GLCCI1: variants seen among roughly 807,000 people sequenced by gnomAD.
GLCCI1 encodes glucocorticoid-induced transcript 1 protein.
In GLCCI1, 24 loss-of-function variants were observed where a neutral mutation model predicts 52.2. The observed-to-expected ratio is 0.46, with a 90% CI of 0.33 to 0.65. The LOEUF (loss-of-function observed/expected upper bound fraction) is 0.65, where lower values mean the gene tolerates loss of function less well. Among genes scored for constraint, GLCCI1 ranks in the 30% least tolerant of loss-of-function variants. The pLI, the probability that GLCCI1 is intolerant of heterozygous loss-of-function variation, is 0.02. For synonymous variants in GLCCI1, 310 were observed against 276.5 expected, an observed-to-expected ratio of 1.12 and a Z score of -1.20; for missense variants, 704 against 701.5, an observed-to-expected ratio of 1.00 and a Z score of -0.04.
At chr7:7,974,665 T>A (rs1320819532) in intron 1 of GLCCI1, among the ~76,000 whole-genome samples, 1 of 152,118 alleles carries the variant, frequency 6.6e-6, no homozygotes, top group Non-Finnish European at 1.5e-5. Context: ...TCGGAGAGGG[T>A]TTTCCTTAGT....
At chr7:8,003,887 C>A (rs1177995249) in intron 1 of GLCCI1, 21 bp from the exon 2 acceptor site, 7 of 1,588,834 alleles carry the variant, frequency 4.4e-6, no homozygotes, top group South Asian at 3.4e-5. Flanking sequence ...AATGACTAAT[C>A]TTTTTTTTCA....
chr7:8,074,604 G>C (rs1207206831), intron 6 of GLCCI1, among the ~76,000 whole-genome samples: 1 of 152,062 alleles, frequency 6.6e-6, no homozygotes, highest in Non-Finnish European at 1.5e-5. Context: ...AGGATCACTT[G>C]AACTTGGGAG....
intron 1 of GLCCI1, among the ~76,000 whole-genome samples, chr7:8,002,677 A>T (rs1781072502): frequency 6.6e-6 from 1 of 152,222 alleles, no homozygotes; most frequent in Admixed American, 6.5e-5. Context: ...CCCTGTAAAG[A>T]GGAAGGCATT....
intron 2 of GLCCI1, among the ~76,000 whole-genome samples, chr7:8,013,419 A>G (rs374157622): frequency 2.0e-5 from 3 of 152,156 alleles, no homozygotes; most frequent in East Asian, 3.8e-4. Context: ...TGGCTTCTCT[A>G]TGCTATACTA....
chr7:7,990,016 T>A (rs1035127145), intron 1 of GLCCI1, among the ~76,000 whole-genome samples: 2 of 151,954 alleles, frequency 1.3e-5, no homozygotes, highest in African/African-American at 4.8e-5. Flanking sequence ...GAAAGGATTT[T>A]AAAAATGTAA....
intron 4 of GLCCI1, among the ~76,000 whole-genome samples, chr7:8,057,973 G>T (rs544234614): frequency 6.6e-6 from 1 of 152,012 alleles, no homozygotes; most frequent in African/African-American, 2.4e-5. Context: ...CCAAAAAAAC[G>T]TGTTCACATG....
intron 2 of GLCCI1, among the ~76,000 whole-genome samples, chr7:8,006,017 C>G (rs1056429688): frequency 6.6e-6 from 1 of 152,106 alleles, no homozygotes; most frequent in Non-Finnish European, 1.5e-5. Context: ...AAGCTGGTCT[C>G]GAACTCCTGA....
At chr7:7,987,663 C>T (rs1453847761) in intron 1 of GLCCI1, among the ~76,000 whole-genome samples, 1 of 152,208 alleles carries the variant, frequency 6.6e-6, no homozygotes, top group African/African-American at 2.4e-5. Flanking sequence ...TCATAGTTCA[C>T]TGTAACCCCA....
chr7:8,080,848 T>C (rs1782979175), intron 6 of GLCCI1, among the ~76,000 whole-genome samples: 2 of 150,980 alleles, frequency 1.3e-5, no homozygotes, highest in African/African-American at 4.8e-5. Context: ...GGGGTTTTTT[T>C]TTTTTTTTTG....
At chr7:7,982,178 G>T in intron 1 of GLCCI1, 1 of 292,084 alleles carries the variant, frequency 3.4e-6, no homozygotes, top group South Asian at 3.7e-5. Flanking sequence ...AAAAGAGACT[G>T]AAGCAGAAAT....
chr7:7,976,372 G>A (rs547791554), intron 1 of GLCCI1, among the ~76,000 whole-genome samples: 1 of 149,232 alleles, frequency 6.7e-6, no homozygotes, highest in African/African-American at 2.5e-5. Flanking sequence ...CCAGTTACTC[G>A]GGAGGCTGAG....
chr7:7,995,363 A>T (rs1562420819), intron 1 of GLCCI1, among the ~76,000 whole-genome samples: 1 of 152,116 alleles, frequency 6.6e-6, no homozygotes, highest in Non-Finnish European at 1.5e-5. Context: ...TACAAAAATT[A>T]GCTGGGCGTG....
chr7:7,981,860 G>A (rs1161424612), intron 1 of GLCCI1: 4 of 445,630 alleles, frequency 9.0e-6, no homozygotes, highest in Admixed American at 8.3e-5. Context: ...TACTAGATGA[G>A]CAGGCAGAAG....
intron 5 of GLCCI1, among the ~76,000 whole-genome samples, chr7:8,063,669 A>G (rs1458542498): frequency 2.3e-5 from 3 of 128,746 alleles, no homozygotes; most frequent in Non-Finnish European, 3.1e-5. Flanking sequence ...CCCAGGCTGG[A>G]GTATAGCGGC....
At chr7:8,039,203 A>T (rs368931042) in intron 3 of GLCCI1, among the ~76,000 whole-genome samples, 128 of 152,236 alleles carry the variant, frequency 8.4e-4, no homozygotes, top group Non-Finnish European at 1.7e-3. Context: ...TTTCTCACAG[A>T]ACTAAAAATA....
chr7:8,085,823 C>T (rs1260148298), intron 7 of GLCCI1, among the ~76,000 whole-genome samples: 2 of 152,150 alleles, frequency 1.3e-5, no homozygotes, highest in Admixed American at 6.5e-5. Flanking sequence ...ACGTGATGGA[C>T]GAATGCCCCC....
chr7:8,068,886 AG>A (rs1782692242), intron 5 of GLCCI1, among the ~76,000 whole-genome samples: 1 of 152,202 alleles, frequency 6.6e-6, no homozygotes, highest in Non-Finnish European at 1.5e-5. Flanking sequence ...GTTTCACAGG[AG>A]GGTTTATTAA....
intron 7 of GLCCI1, among the ~76,000 whole-genome samples, chr7:8,085,882 A>G (rs770046466): frequency 2.6e-5 from 4 of 152,256 alleles, no homozygotes; most frequent in Non-Finnish European, 4.4e-5. Flanking sequence ...CTAACTTTGC[A>G]TAATCTTCAA....
At chr7:8,029,542 T>C (rs1204436886) in intron 3 of GLCCI1, among the ~76,000 whole-genome samples, 1 of 152,154 alleles carries the variant, frequency 6.6e-6, no homozygotes, top group African/African-American at 2.4e-5. Context: ...TTATTCAACA[T>C]AGTACTGGAA....
Sources: allele counts gnomAD v4.1 joint callset (sites outside exome capture counted in the v4.1 genomes callset), GRCh38; gene constraint gnomAD v4.1.1; transcripts MANE v1.5; gene names NCBI Gene and HGNC (gene_info 2026-07-23, HGNC 2026-07-21).